The following ANKRD13C variants were observed in gnomAD, a reference collection of about 807,000 sequenced individuals.
ANKRD13C encodes ankyrin repeat domain 13C.
ANKRD13C carries 16 observed loss-of-function variants against 65.5 expected under a neutral mutation model. The ratio of observed to expected loss-of-function variants is 0.24; its 90% CI spans 0.17 to 0.37. The LOEUF is 0.37. Ranked by LOEUF, ANKRD13C falls within the 10% of genes least tolerant of loss-of-function variation. The pLI is 1.00. For synonymous variants in ANKRD13C, 235 were observed against 238.7 expected, an observed-to-expected ratio of 0.98 and a Z score of 0.14; for missense variants, 503 against 655.9, an observed-to-expected ratio of 0.77 and a Z score of 2.55.
At chr1:70,264,816 T>TC (rs1175999230) in intron 12 of ANKRD13C, among the ~76,000 whole-genome samples, 23 of 151,976 alleles carry the variant, frequency 1.5e-4, no homozygotes, top group African/African-American at 5.6e-4. Context: ...GACAGTAGAA[T>TC]AGGGAGTCTC....
In ANKRD13C at chr1:70,306,374, A is replaced by G. The variant is rs1036738118; in HGVS notation, c.710-84T>C. On this transcript the variant is annotated intron_variant, in intron 5 of 12. Transcript: ENST00000370944. ...ACTTTTAAATTAAAAGAGTAATGTG[A>G]CATTCTGTTATCAAATTATAATAAT... 12 of 759,486 alleles carry G rather than the reference A, an allele frequency of 1.6e-5. No homozygotes were observed. In the African/African-American group the frequency reaches 2.2e-4, roughly 14 times the overall value. The allele number at this position is 759,486 out of a possible 1,614,324, so 47.0% of individuals were successfully genotyped here.
In ANKRD13C at chr1:70,307,873, C is replaced by T. The variant is rs547547219; in HGVS notation, c.710-1583G>A. ...CTGAAGCAGGAGGATCACCTGAGGC[C>T]AGGAGTCGAAGGCTGAAGTGGGCTA... On this transcript the variant is annotated intron_variant, in intron 5 of 12. Transcript: ENST00000370944. Among the ~76,000 whole-genome samples, 50 of 152,098 alleles carry T rather than the reference C, an allele frequency of 3.3e-4. 1 individual carries two copies. The highest frequency in any genetic ancestry group is 1.1e-3 in the African/African-American group (44 of 41,498).
In ANKRD13C at chr1:70,307,109, C is replaced by A. The variant is rs1332173678; in HGVS notation, c.710-819G>T. ...TGTAAGATACGGCAGATATATCTTA[C>A]AAAATTTAGTGTTTTTAAAATGGGT... On this transcript the variant is annotated intron_variant, in intron 5 of 12. Transcript: ENST00000370944. Among the ~76,000 whole-genome samples, 4 of 152,110 alleles carry A rather than the reference C, an allele frequency of 2.6e-5. No homozygotes were observed. The East Asian group carries it at 5.8e-4, about 22-fold the overall frequency.
At chr1:70,326,263 A>AAAGAC (rs1681539848) in intron 2 of ANKRD13C, among the ~76,000 whole-genome samples, 1 of 134,278 alleles carries the variant, frequency 7.4e-6, no homozygotes, top group African/African-American at 2.8e-5. Flanking sequence ...AAAAAAAAAA[A>AAAGAC]AGACAGCCAT....
intron 7 of ANKRD13C, among the ~76,000 whole-genome samples, chr1:70,296,562 A>G (rs1285443523): frequency 6.6e-6 from 1 of 152,226 alleles, no homozygotes; most frequent in African/African-American, 2.4e-5. Context: ...TACCCATTAT[A>G]AAACTGTATA....
rs1678435662 is a variant in ANKRD13C at position 70,262,723 on chromosome 1, A to G, written c.1620T>C (p.Asp540=). 3.7e-6 allele frequency: 6 copies of G among 1,612,376 alleles called. No individual in the cohort carries two copies. The highest frequency in any genetic ancestry group is 2.7e-5 in the African/African-American group (2 of 74,866). Residue 540 remains aspartate, a synonymous_variant, in exon 13 of 13, where the codon GAT becomes GAC. Transcript: ENST00000370944. The stretch of plus-strand genomic sequence containing the variant: ...GCATCCTTTTCCACGTCAGTTAAAG[A>G]TCAGGAAAACGGCTTGGGTCTTCCT... ...DYKEDPSRFP[D]L
chr1:70,324,233 A>G (rs756487775), intron 3 of ANKRD13C, among the ~76,000 whole-genome samples: 3 of 152,344 alleles, frequency 2.0e-5, no homozygotes, highest in Non-Finnish European at 4.4e-5. Flanking sequence ...TAATATTCCC[A>G]TTCATCCAGA....
chr1:70,323,683 A>C (rs540957887), intron 3 of ANKRD13C, among the ~76,000 whole-genome samples: 2 of 152,008 alleles, frequency 1.3e-5, no homozygotes, highest in South Asian at 4.2e-4. Flanking sequence ...AAGTTCAGGA[A>C]GTCCACAAAA....
chr1:70,279,500 C>CTTTTTTTTTTTTTT (rs757385338), intron 9 of ANKRD13C, among the ~76,000 whole-genome samples: 2 of 101,282 alleles, frequency 2.0e-5, no homozygotes, highest in Non-Finnish European at 4.0e-5. Context: ...TTTTGAGCTA[C>CTTTTTTTTTTTTTT]TTTTTTTTTT....
chr1:70,268,819 G>C lies in ANKRD13C; in HGVS notation c.1495+2037C>G, dbSNP rs987491245. 2.0e-5 allele frequency among the ~76,000 whole-genome samples: 3 copies of C among 152,038 alleles called. No homozygotes were observed. The South Asian group carries it at 6.2e-4, about 32-fold the overall frequency. ...ATTCATAATCAGCACTTAAAGCTCT[G>C]GCTGATTCTGAAAACATGTAATTGT... On this transcript the variant is annotated intron_variant, in intron 12 of 12. Coordinates refer to ENST00000370944, the MANE Select transcript of ANKRD13C (RefSeq NM_030816.5).
intron 1 of ANKRD13C, among the ~76,000 whole-genome samples, chr1:70,341,017 G>C (rs556197951): frequency 2.6e-5 from 4 of 152,280 alleles, no homozygotes; most frequent in African/African-American, 7.2e-5. Flanking sequence ...GGCTGAGGCA[G>C]GAGAATCACT....
At chr1:70,280,214 A>G (rs955729070) in intron 9 of ANKRD13C, among the ~76,000 whole-genome samples, 3 of 152,320 alleles carry the variant, frequency 2.0e-5, no homozygotes, top group Middle Eastern at 3.4e-3. Flanking sequence ...GGGCTATGAT[A>G]TAATTGAGGG....
chr1:70,326,562 C>G (rs1681554307), intron 2 of ANKRD13C, among the ~76,000 whole-genome samples: 1 of 152,040 alleles, frequency 6.6e-6, no homozygotes, highest in African/African-American at 2.4e-5. Flanking sequence ...AATATACTAG[C>G]AGGGAACTTT....
intron 1 of ANKRD13C, among the ~76,000 whole-genome samples, chr1:70,351,296 G>A (rs1208377301): frequency 6.6e-6 from 1 of 152,180 alleles, no homozygotes; most frequent in Non-Finnish European, 1.5e-5. Context: ...GTAATACATG[G>A]TATAATTGTC....
chr1:70,322,809 G>A (rs533834491), intron 3 of ANKRD13C, among the ~76,000 whole-genome samples: 4 of 152,000 alleles, frequency 2.6e-5, no homozygotes, highest in East Asian at 1.9e-4. Flanking sequence ...CTTGACCAAC[G>A]TGGAGAAACC....
intron 11 of ANKRD13C, among the ~76,000 whole-genome samples, chr1:70,272,550 G>T (rs1263616131): frequency 6.6e-6 from 1 of 151,334 alleles, no homozygotes; most frequent in Non-Finnish European, 1.5e-5. Flanking sequence ...CAAGAGTAGT[G>T]GTTATAACTG....
At chr1:70,271,098 CCTAA>C (rs1558260826) in intron 11 of ANKRD13C, 142 bp from the exon 12 acceptor site, 1 of 560,870 alleles carries the variant, frequency 1.8e-6, no homozygotes, top group South Asian at 2.4e-5. Context: ...CTTTATTCCT[CCTAA>C]CTTTTTACTC....
At position 70,259,785 on chromosome 1, in the gene ANKRD13C, T is replaced by G. The variant is rs1678332455; in HGVS notation, c.*2932A>C. On this transcript the variant is annotated 3_prime_UTR_variant, in exon 13 of 13. Transcript: ENST00000370944. The stretch of plus-strand genomic sequence containing the variant: ...TGTTTGTAAATATGGGTAATATCAA[T>G]GAGCAGAAGGAAGCACCTTTAATTC... 6.6e-6 allele frequency among the ~76,000 whole-genome samples: 1 copy of G among 152,200 alleles called. No individual in the cohort carries two copies. The highest frequency in any genetic ancestry group is 1.5e-5 in the Non-Finnish European group (1 of 68,018).
intron 1 of ANKRD13C, among the ~76,000 whole-genome samples, chr1:70,342,615 T>C (rs1188244456): frequency 6.6e-6 from 1 of 151,584 alleles, no homozygotes; most frequent in African/African-American, 2.4e-5. Flanking sequence ...TTTGTATCAA[T>C]AGTGGAAGAG....
Sources: allele counts gnomAD v4.1 joint callset (sites outside exome capture counted in the v4.1 genomes callset), GRCh38; gene constraint gnomAD v4.1.1; transcripts MANE v1.5; gene names NCBI Gene and HGNC (gene_info 2026-07-23, HGNC 2026-07-21).